Variants in FHL2 observed in about 807,000 individuals in gnomAD.
FHL2 encodes the protein four and a half LIM domains protein 2.
Under a neutral mutation model 32.7 loss-of-function variants are expected in FHL2, and 20 were observed. That is an observed-to-expected ratio of 0.61 (90% CI 0.43 to 0.89). FHL2 has a LOEUF of 0.89. Ranked by LOEUF, FHL2 falls within the 40% of genes least tolerant of loss-of-function variation. The pLI is 0.00. For synonymous variants in FHL2, 123 were observed against 128.1 expected (o/e 0.96, Z 0.27); for missense variants, 311 against 358.6 (o/e 0.87, Z 1.07).
At chr2:105,377,020 G>A (rs1399800197) in intron 3 of FHL2, among the ~76,000 whole-genome samples, 2 of 152,212 alleles carry the variant, frequency 1.3e-5, no homozygotes, top group African/African-American at 4.8e-5. Context: ...TGGGATGAGA[G>A]GGGAATGGGA....
At chr2:105,397,100 G>T (rs944610382) in intron 1 of FHL2, 1 of 157,670 alleles carries the variant, frequency 6.3e-6, no homozygotes, top group Non-Finnish European at 1.3e-5. Context: ...GGTTTAACAC[G>T]CAATCTTGGG....
chr2:105,410,181 G>T (rs1404282522), intron 1 of FHL2, among the ~76,000 whole-genome samples: 2 of 152,236 alleles, frequency 1.3e-5, no homozygotes, highest in South Asian at 4.1e-4. Flanking sequence ...AGGTCAGCAG[G>T]ACAGCTTTGT....
At chr2:105,361,519 T>A in intron 6 of FHL2, 85 bp from the exon 7 acceptor site, 2 of 1,298,100 alleles carry the variant, frequency 1.5e-6, no homozygotes, top group Non-Finnish European at 2.2e-6. Flanking sequence ...GTTTGATCCA[T>A]TTCAAAGTTT....
intron 3 of FHL2, among the ~76,000 whole-genome samples, chr2:105,384,191 G>A (rs1682120251): frequency 6.6e-6 from 1 of 152,170 alleles, no homozygotes. Flanking sequence ...GATGATATCT[G>A]AACCTCTCAC....
intron 1 of FHL2, among the ~76,000 whole-genome samples, chr2:105,409,766 T>G (rs1683739971): frequency 6.6e-6 from 1 of 152,236 alleles, no homozygotes; most frequent in Non-Finnish European, 1.5e-5. Flanking sequence ...TTGATTCCTC[T>G]GAAGACCTGG....
chr2:105,376,695 G>A (rs549108147), intron 3 of FHL2: 4 of 152,334 alleles, frequency 2.6e-5, no homozygotes, highest in East Asian at 3.9e-4. Flanking sequence ...GTAAGGTCTC[G>A]AAGATATATT....
At chr2:105,413,624 A>G (rs1468341715) in intron 1 of FHL2, among the ~76,000 whole-genome samples, 1 of 152,082 alleles carries the variant, frequency 6.6e-6, no homozygotes, top group African/African-American at 2.4e-5. Flanking sequence ...CAGGTGCTCC[A>G]CCACACCCAA....
At chr2:105,368,781 AC>A (rs1196824836) in intron 4 of FHL2, among the ~76,000 whole-genome samples, 1 of 152,186 alleles carries the variant, frequency 6.6e-6, no homozygotes, top group African/African-American at 2.4e-5. Flanking sequence ...ATAAACAAGT[AC>A]CCTTCATATA....
chr2:105,422,374 G>A (rs755290644), intron 1 of FHL2, among the ~76,000 whole-genome samples: 2 of 152,154 alleles, frequency 1.3e-5, no homozygotes, highest in Non-Finnish European at 2.9e-5. Context: ...GGCCCTATGT[G>A]GATGGATCCT....
chr2:105,437,257 A>C (rs1470844471), intron 1 of FHL2, among the ~76,000 whole-genome samples: 1 of 152,158 alleles, frequency 6.6e-6, no homozygotes, highest in Non-Finnish European at 1.5e-5. Context: ...TAAATACAAA[A>C]ACTTGTGTAA....
chr2:105,414,100 G>A (rs899307835), intron 1 of FHL2, among the ~76,000 whole-genome samples: 2 of 152,166 alleles, frequency 1.3e-5, no homozygotes, highest in Non-Finnish European at 2.9e-5. Context: ...TAATTTGGTA[G>A]AGCAGCTCAC....
chr2:105,418,581 A>AT (rs1394922040), intron 1 of FHL2, among the ~76,000 whole-genome samples: 1 of 152,214 alleles, frequency 6.6e-6, no homozygotes, highest in African/African-American at 2.4e-5. Context: ...TGCACTTTAC[A>AT]TTTTTATGAA....
At chr2:105,426,056 A>G (rs1206804430) in intron 1 of FHL2, among the ~76,000 whole-genome samples, 1 of 152,120 alleles carries the variant, frequency 6.6e-6, no homozygotes, top group African/African-American at 2.4e-5. Flanking sequence ...CCACTCCTTC[A>G]TATATAATAT....
intron 4 of FHL2, among the ~76,000 whole-genome samples, chr2:105,368,079 C>G (rs138454323): frequency 1.9e-4 from 29 of 152,308 alleles, no homozygotes; most frequent in African/African-American, 6.5e-4. Flanking sequence ...GGCATAGCTC[C>G]GATGAATTCC....
rs552903724 is a variant in FHL2 at position 105,427,397 on chromosome 2, C to T, written c.-25+11002G>A. ...CATGATATGCACTATGAAACTCACC[C>T]GGAGCTTGAAACACTTCTGTTTCAG... On this transcript the variant is annotated intron_variant, in intron 1 of 5. Transcript: ENST00000393352. Among the ~76,000 whole-genome samples the T allele has an allele frequency of 2.3e-3, 349 of 152,258 alleles. 1 individual carries two copies. The highest frequency in any genetic ancestry group is 4.3e-3 in the Non-Finnish European group (292 of 68,020).
At chr2:105,393,282 G>C (rs1379151425) in intron 2 of FHL2, among the ~76,000 whole-genome samples, 4 of 152,040 alleles carry the variant, frequency 2.6e-5, no homozygotes, top group Admixed American at 6.6e-5. Flanking sequence ...CTCTAACATA[G>C]CCATTTCCTA....
intron 1 of FHL2, among the ~76,000 whole-genome samples, chr2:105,418,696 C>T (rs912532312): frequency 1.3e-5 from 2 of 152,176 alleles, no homozygotes; most frequent in African/African-American, 2.4e-5. Flanking sequence ...GCCCTCCTCC[C>T]GCTCCCCTTA....
chr2:105,371,525 C>G (rs973082826), intron 4 of FHL2, among the ~76,000 whole-genome samples: 5 of 150,758 alleles, frequency 3.3e-5, no homozygotes, highest in African/African-American at 1.2e-4. Context: ...CCTCCACAAT[C>G]TCATGAGCCA....
chr2:105,394,534 G>A (rs1682984669), intron 2 of FHL2, among the ~76,000 whole-genome samples: 1 of 149,994 alleles, frequency 6.7e-6, no homozygotes, highest in African/African-American at 2.5e-5. Flanking sequence ...GATGGCACCT[G>A]TGAAAAGCTA....
Sources: gnomAD v4.1 joint callset for allele counts (sites outside exome capture counted in the v4.1 genomes callset) on GRCh38, gnomAD v4.1.1 for gene constraint, MANE v1.5 for transcripts, NCBI Gene and HGNC (gene_info 2026-07-23, HGNC 2026-07-21) for gene names.